ZNF451: variants seen among roughly 807,000 people sequenced by gnomAD.
ZNF451 encodes E3 SUMO-protein ligase ZNF451.
ZNF451 carries 80 observed loss-of-function variants against 107.1 expected under a neutral mutation model. The observed-to-expected ratio is 0.75, with a 90% confidence interval of 0.62 to 0.90. ZNF451 has a LOEUF of 0.90. Among genes scored for constraint, ZNF451 ranks in the 40% least tolerant of loss-of-function variants. The pLI, the probability that ZNF451 is intolerant of heterozygous loss-of-function variation, is 0.00. For synonymous variants in ZNF451, 362 were observed against 406.5 expected (o/e 0.89, Z 1.32); for missense variants, 1,107 against 1,236.2 (o/e 0.90, Z 1.57).
Position 57,168,446 on chromosome 6 carries a change from A to G in ZNF451, c.3163A>G (p.Arg1055Gly). 1.2e-6 allele frequency: 2 copies of G among 1,608,746 alleles called. No individual in the cohort carries two copies. Among genetic ancestry groups the G allele is most frequent in the Admixed American group, 1.7e-5 (1 of 58,930 alleles). ...TEDVELEEAI[R>G]RSLEEM is the part of the protein sequence containing the mutation. Reference sequence around the variant, plus strand: ...AGATGTGGAATTAGAAGAAGCTATTAGAAGAAGTCTTGAGGAAATGTAATT... The same window carrying G: ...AGATGTGGAATTAGAAGAAGCTATTGGAAGAAGTCTTGAGGAAATGTAATT... The change falls in exon 15 of 15, where the codon AGA becomes GGA. Residue 1055 changes from arginine (R) to glycine (G), a missense_variant. By Grantham distance (125) the Arg-to-Gly change is moderately radical. Transcript: ENST00000370706.
intron 3 of ZNF451, chr6:57,116,079 AG>A (rs1487606337): frequency 5.9e-5 from 9 of 152,304 alleles, no homozygotes; most frequent in African/African-American, 2.2e-4. Context: ...TGATAATTCA[AG>A]TTATGGGCTT....
chr6:57,130,041 C>G (rs1831111760), intron 5 of ZNF451, among the ~76,000 whole-genome samples: 1 of 152,134 alleles, frequency 6.6e-6, no homozygotes, highest in Non-Finnish European at 1.5e-5. Flanking sequence ...ATATGTCTGT[C>G]TCTTCCACCC....
chr6:57,144,167 G>A (rs1236596999), intron 9 of ZNF451, among the ~76,000 whole-genome samples: 1 of 149,698 alleles, frequency 6.7e-6, no homozygotes, highest in Non-Finnish European at 1.5e-5. Context: ...ATCTTTATGT[G>A]AAAAATAGTT....
chr6:57,106,440 G>A, intron 3 of ZNF451: 2 of 561,826 alleles, frequency 3.6e-6, no homozygotes, highest in Non-Finnish European at 4.5e-6. Context: ...CCGAGTAGCT[G>A]GGATTACAGG....
chr6:57,108,982 A>C, intron 3 of ZNF451: 1 of 985,308 alleles, frequency 1.0e-6, no homozygotes, highest in Non-Finnish European at 1.2e-6. Flanking sequence ...GCCCCATTCA[A>C]GTTTTACTTC....
At chr6:57,152,840 C>T (rs554437442) in intron 12 of ZNF451, among the ~76,000 whole-genome samples, 9 of 152,232 alleles carry the variant, frequency 5.9e-5, no homozygotes, top group East Asian at 1.9e-4. Flanking sequence ...GTGATCTGCC[C>T]GCCTAGGCCT....
At chr6:57,103,403 GAGAC>G in intron 3 of ZNF451, 8 of 985,402 alleles carry the variant, frequency 8.1e-6, no homozygotes, top group Non-Finnish European at 9.6e-6. Context: ...CTTAGTGTAA[GAGAC>G]AGCTTATCTT....
chr6:57,148,531 C>T lies in ZNF451; in HGVS notation c.2446C>T (p.Gln816Ter). Residue 816 changes from glutamine (Q) to a stop codon, truncating the protein, a stop_gained, in exon 10 of 15, where the codon CAG (glutamine) becomes TAG (stop). Transcript: ENST00000370706. LOFTEE classifies it high-confidence loss of function. ...TTTCCATAGAAAACATTGCTTCTTA[C>T]AGAAACCCAGTGTGGCTCATTTTGG... is the stretch of plus-strand genomic sequence containing the variant. ...QHFHRKHCFLQKPSVAHFGSE... is the reference protein window; with the variant it reads ...QHFHRKHCFL 6.2e-7 allele frequency: 1 copy of T among 1,614,158 alleles called. No individual in the cohort carries two copies. The highest frequency in any genetic ancestry group is 8.5e-7 in the Non-Finnish European group (1 of 1,180,010).
chr6:57,147,287 A>G lies in ZNF451; in HGVS notation c.1202A>G (p.Tyr401Cys), dbSNP rs769299346. The change falls in exon 10 of 15, where the codon TAT (tyrosine) becomes TGT (cysteine). Residue 401 changes from tyrosine to cysteine, a missense_variant. Transcript: ENST00000370706. ...TCAGTGGAAGAATCAGTCTTACTCTATTGCCACAGCAGCGAAGGGAACAAG... is the reference window on the plus strand; with the variant it reads ...TCAGTGGAAGAATCAGTCTTACTCTGTTGCCACAGCAGCGAAGGGAACAAG... ...INSVEESVLL[Y>C]CHSSEGNKDP... 5.6e-6 allele frequency: 9 copies of G among 1,614,038 alleles called. No individual in the cohort carries two copies. The African/African-American group carries it at 1.1e-4, about 19-fold the overall frequency.
chr6:57,136,304 A>G lies in ZNF451; in HGVS notation c.702+1434A>G, dbSNP rs143145930. Among the ~76,000 whole-genome samples the G allele has an allele frequency of 8.7e-3, 1,328 of 152,294 alleles. 7 individuals carry two copies. Among genetic ancestry groups the G allele is most frequent in the South Asian group, 0.025 (121 of 4,826 alleles). On this transcript the variant is annotated intron_variant, in intron 7 of 14. Transcript: ENST00000370706. ...ACATTATTCTTTTAAAGTTAGAAGG[A>G]CTTCTAATTCTATAGCCCAATTCCT... is the stretch of plus-strand genomic sequence containing the variant.
At chr6:57,102,348 T>G in intron 3 of ZNF451, 1 of 1,146,964 alleles carries the variant, frequency 8.7e-7, no homozygotes. Context: ...CCTTTATTTC[T>G]GGTCCAAAAA....
At chr6:57,098,887 A>G (rs1284632102) in intron 2 of ZNF451, among the ~76,000 whole-genome samples, 174 bp from the exon 3 acceptor site, 1 of 152,110 alleles carries the variant, frequency 6.6e-6, no homozygotes, top group Non-Finnish European at 1.5e-5. Context: ...TTACATTTAT[A>G]TATTTTGAAT....
chr6:57,106,081 C>T, intron 3 of ZNF451: 1 of 985,262 alleles, frequency 1.0e-6, no homozygotes, highest in Non-Finnish European at 1.2e-6. Flanking sequence ...TGATAATGTC[C>T]TTAAGGACCT....
intron 12 of ZNF451, among the ~76,000 whole-genome samples, chr6:57,152,782 C>T (rs758275833): frequency 1.3e-5 from 2 of 152,020 alleles, no homozygotes; most frequent in African/African-American, 4.8e-5. Context: ...TTAGTAGAGA[C>T]GGGGTTTCTC....
rs556499757 is a variant in ZNF451, at chr6:57,107,645, G to A, written c.186+8504G>A. ...AACCCGTTTTCCGTAGATGTTAAGG[G>A]CTTTACTGGTTGAGGTAACCTATTT... On this transcript the variant is annotated intron_variant, in intron 3 of 14. Coordinates refer to ENST00000370706, the MANE Select transcript of ZNF451 (RefSeq NM_001031623.3). The A allele has an allele frequency of 4.7e-5, 46 of 985,328 alleles. No homozygotes were observed. The African/African-American group carries it at 7.8e-4, about 17-fold the overall frequency. 61.0% of individuals were successfully genotyped at this position (985,328 alleles called of 1,614,324 possible). A position where few individuals can be genotyped will look rare whatever the true frequency, so the allele number is the denominator to read the frequency against.
intron 3 of ZNF451, 55 bp from the exon 4 acceptor site, chr6:57,124,679 T>TTCATAATAAAAATAGCA (rs1830835408): frequency 2.3e-6 from 3 of 1,298,608 alleles, no homozygotes; most frequent in Non-Finnish European, 3.3e-6. Context: ...AATGGATGTA[T>TTCATAATAAAAATAGCA]ATTATCCAAA....
In ZNF451 at chr6:57,124,860, G is replaced by C; in HGVS notation, c.312+1G>C. ...AGAAGAGAAGAATAGAGCATTCAGA[G>C]TATGTGCTATTTTAATTGGTATTTT... On this transcript the variant is annotated splice_donor_variant, in intron 4 of 14. Transcript: ENST00000370706. LOFTEE classifies it high-confidence loss of function. 1 of 1,561,620 alleles carries C rather than the reference G, an allele frequency of 6.4e-7. No individual in the cohort carries two copies. The highest frequency in any genetic ancestry group is 8.7e-7 in the Non-Finnish European group (1 of 1,155,284).
intron 2 of ZNF451, among the ~76,000 whole-genome samples, chr6:57,092,142 A>G (rs1247038350): frequency 6.6e-6 from 1 of 152,056 alleles, no homozygotes; most frequent in Non-Finnish European, 1.5e-5. Context: ...TGTGAAGAGA[A>G]TTTTTTTCTT....
At chr6:57,137,140 T>TA (rs1831470963) in intron 7 of ZNF451, among the ~76,000 whole-genome samples, 1 of 152,230 alleles carries the variant, frequency 6.6e-6, no homozygotes, top group Non-Finnish European at 1.5e-5. Context: ...TTCCTTGACA[T>TA]TTGTGTCACC....
Sources: allele counts gnomAD v4.1 joint callset (sites outside exome capture counted in the v4.1 genomes callset), GRCh38; gene constraint gnomAD v4.1.1; transcripts MANE v1.5; gene names NCBI Gene and HGNC (gene_info 2026-07-23, HGNC 2026-07-21).